The following IL5 variants were observed in gnomAD, a reference collection of about 807,000 sequenced individuals.
IL5 encodes the protein interleukin-5.
Under a neutral mutation model 16.3 loss-of-function variants are expected in IL5, and 12 were observed. The ratio of observed to expected loss-of-function variants is 0.74; its 90% confidence interval spans 0.47 to 1.20. IL5 has a LOEUF of 1.20. IL5 is among the 50% of genes most tolerant of loss of function. IL5 has a pLI of 0.00. For missense variants in IL5, 159 were observed against 153.9 expected, an observed-to-expected ratio of 1.03 and a Z score of -0.17; for synonymous variants, 54 against 56.6, an observed-to-expected ratio of 0.95 and a Z score of 0.21.
upstream of IL5, chr5:132,543,609 A>G: frequency 2.5e-6 from 2 of 807,756 alleles, no homozygotes; most frequent in Non-Finnish European, 3.6e-6. Flanking sequence ...ATGCCTAATA[A>G]TGGCATATCG....
At chr5:132,547,127 C>T (rs1169869054), upstream of IL5, among the ~76,000 whole-genome samples, 1 of 152,180 alleles carries the variant, frequency 6.6e-6, no homozygotes, top group African/African-American at 2.4e-5. Flanking sequence ...AGCTACTACA[C>T]CCTCAAGGAG....
chr5:132,543,084 T>G lies in IL5; in HGVS notation c.177+10A>C. ...ATGCCATCATTTTACTGAATCATAA[T>G]TTAACTTACATTTTTATGTACAGGA... On this transcript the variant is annotated intron_variant, in intron 2 of 3. Coordinates refer to ENST00000231454, the MANE Select transcript of IL5 (RefSeq NM_000879.3). 1.9e-6 allele frequency: 3 copies of G among 1,585,616 alleles called. No homozygotes were observed. The highest frequency in any genetic ancestry group is 2.6e-6 in the Non-Finnish European group (3 of 1,155,156).
At chr5:132,543,161 C>A (rs1483560908) in intron 1 of IL5, 35 bp from the exon 2 acceptor site, 2 of 1,586,266 alleles carry the variant, frequency 1.3e-6, no homozygotes, top group African/African-American at 2.7e-5. Context: ...ATTTTTACAG[C>A]ACACCAGCAT....
intron 1 of IL5, among the ~76,000 whole-genome samples, chr5:132,553,035 C>A (rs910372416): frequency 8.5e-5 from 13 of 152,172 alleles, no homozygotes; most frequent in Admixed American, 6.5e-4. Flanking sequence ...AATTTCCCTA[C>A]TTATCTCCCA....
chr5:132,556,710 C>T (rs1342828287), exon 1 of IL5: 1 of 1,252,362 alleles, frequency 8.0e-7, no homozygotes, highest in South Asian at 1.4e-5. Flanking sequence ...CCACCACTAC[C>T]CCCATTCCAG....
chr5:132,554,139 G>A (rs1052864220), intron 1 of IL5, among the ~76,000 whole-genome samples: 2 of 151,670 alleles, frequency 1.3e-5, no homozygotes, highest in East Asian at 1.9e-4. Flanking sequence ...AGGCCGAGGC[G>A]GGTGGATCAC....
chr5:132,541,596 C>A lies in IL5; in HGVS notation c.*215G>T. On this transcript the variant is annotated 3_prime_UTR_variant, in exon 4 of 4. Coordinates refer to ENST00000231454, the MANE Select transcript of IL5 (RefSeq NM_000879.3). ...TAAGAAAAAAGTATATCAATTTTGC[C>A]TGGAGGAAAATACTTCAATGATTCT... 1 of 439,854 alleles carries A rather than the reference C, an allele frequency of 2.3e-6. No individual in the cohort carries two copies. The allele number at this position is 439,854 out of a possible 1,614,324, so 27.2% of individuals were successfully genotyped here. A position where few individuals can be genotyped will look rare whatever the true frequency, so the allele number is the denominator to read the frequency against.
At chr5:132,550,599 G>T (rs1749869000) in intron 1 of IL5, among the ~76,000 whole-genome samples, 1 of 146,834 alleles carries the variant, frequency 6.8e-6, no homozygotes, top group African/African-American at 2.5e-5. Context: ...TGGGATTACA[G>T]GTGTGAGCCA....
At chr5:132,545,835 G>T (rs1749775202), upstream of IL5, among the ~76,000 whole-genome samples, 1 of 152,138 alleles carries the variant, frequency 6.6e-6, no homozygotes, top group Non-Finnish European at 1.5e-5. Flanking sequence ...CAGGAGAATT[G>T]CTTGAACTCA....
intron 1 of IL5, among the ~76,000 whole-genome samples, chr5:132,555,706 G>A (rs1409745435): frequency 1.3e-5 from 2 of 152,106 alleles, no homozygotes; most frequent in Admixed American, 1.3e-4. Flanking sequence ...CAGTAGAGAC[G>A]GGGTTTCACC....
chr5:132,556,651 A>G (rs985517362), intron 1 of IL5: 8 of 1,213,844 alleles, frequency 6.6e-6, no homozygotes, highest in Non-Finnish European at 7.4e-6. Flanking sequence ...ATGAAAAGGA[A>G]AATAGTTTTG....
chr5:132,543,061 G>A (rs1749723407), intron 2 of IL5, 33 bp downstream of exon 2: 2 of 1,455,470 alleles, frequency 1.4e-6, no homozygotes, highest in Non-Finnish European at 1.9e-6. Context: ...ACTTATTCAT[G>A]CCATCATTTT....
chr5:132,542,206 G>A, intron 2 of IL5, 63 bp from the exon 3 acceptor site: 2 of 1,255,606 alleles, frequency 1.6e-6, no homozygotes, highest in South Asian at 2.6e-5. Context: ...TTGGTCCATT[G>A]TCCATTCTGC....
rs1440086618 is a variant in IL5 at position 132,542,133 on chromosome 5, C to T, written c.188G>A (p.Cys63Tyr). ...TATTCCCTGAAAGATTTCTTCAGTGCACAGTTGGTGCTAAATGAGGAAAAT... is the reference window on the plus strand; with the variant it reads ...TATTCCCTGAAAGATTTCTTCAGTGTACAGTTGGTGCTAAATGAGGAAAAT... ...PVPVHKNHQL[C>Y]TEEIFQGIGT... Residue 63 changes from cysteine (C) to tyrosine (Y), a missense_variant, in exon 3 of 4, where the codon TGC becomes TAC. Transcript: ENST00000231454. 1 of 1,608,392 alleles carries T rather than the reference C, an allele frequency of 6.2e-7. No individual in the cohort carries two copies. The highest frequency in any genetic ancestry group is 1.7e-5 in the Admixed American group (1 of 58,420).
chr5:132,548,723 C>T (rs565167796), intron 1 of IL5, among the ~76,000 whole-genome samples: 1 of 152,284 alleles, frequency 6.6e-6, no homozygotes, highest in South Asian at 2.1e-4. Context: ...TGGTGCTCAC[C>T]TTGTACCTTG....
chr5:132,551,758 T>C (rs1749886392), intron 1 of IL5, among the ~76,000 whole-genome samples: 1 of 152,230 alleles, frequency 6.6e-6, no homozygotes, highest in Non-Finnish European at 1.5e-5. Context: ...TAATATTGAA[T>C]AGAAGTGTTT....
At chr5:132,548,272 T>C (rs1317645563), upstream of IL5, among the ~76,000 whole-genome samples, 1 of 151,666 alleles carries the variant, frequency 6.6e-6, no homozygotes, top group Non-Finnish European at 1.5e-5. Flanking sequence ...ATGAGTGTAA[T>C]GCAGTTGGCA....
At chr5:132,544,859 A>C (rs889669730), upstream of IL5, among the ~76,000 whole-genome samples, 1 of 152,230 alleles carries the variant, frequency 6.6e-6, no homozygotes, top group Non-Finnish European at 1.5e-5. Context: ...GCAGTTGTGT[A>C]GGAGAAGTAG....
Position 132,541,712 on chromosome 5 carries a change from ACT to A in IL5, c.*97_*98del. ...TACTTTCCCTCTGAAGTTAAATTAT[ACT>A]GAAAATTAAGGCCTGACTCTTTCTT... is the stretch of plus-strand genomic sequence containing the variant. On this transcript the variant is annotated 3_prime_UTR_variant, in exon 4 of 4. Coordinates refer to ENST00000231454, the MANE Select transcript of IL5 (RefSeq NM_000879.3). 1.5e-6 allele frequency: 1 copy of A among 667,962 alleles called. No homozygotes were observed. Among genetic ancestry groups the A allele is most frequent in the Non-Finnish European group, 2.6e-6 (1 of 388,092 alleles). 41.4% of individuals were successfully genotyped at this position (667,962 alleles called of 1,614,324 possible). A position where few individuals can be genotyped will look rare whatever the true frequency, so the allele number is the denominator to read the frequency against.
Sources: gnomAD v4.1 joint callset for allele counts (sites outside exome capture counted in the v4.1 genomes callset) on GRCh38, gnomAD v4.1.1 for gene constraint, MANE v1.5 for transcripts, NCBI Gene and HGNC (gene_info 2026-07-23, HGNC 2026-07-21) for gene names.